The following AGAP3 variants were observed in gnomAD, a reference collection of about 807,000 sequenced individuals.
AGAP3 encodes ArfGAP with GTPase domain, ankyrin repeat and PH domain 3.
In AGAP3, 24 loss-of-function variants were observed where a neutral mutation model predicts 96.9. The ratio of observed to expected loss-of-function variants is 0.25; its 90% CI spans 0.18 to 0.35. AGAP3 has a LOEUF of 0.35. Ranked by LOEUF, AGAP3 falls within the 10% of genes least tolerant of loss-of-function variation. AGAP3 has a pLI of 1.00. For missense variants in AGAP3, 876 were observed against 1,254.2 expected (o/e 0.70, Z 4.55); for synonymous variants, 563 against 536.1 (o/e 1.05, Z -0.69).
intron 1 of AGAP3, among the ~76,000 whole-genome samples, chr7:151,105,902 T>C (rs1319013879): frequency 6.7e-6 from 1 of 148,748 alleles, no homozygotes; most frequent in Non-Finnish European, 1.5e-5. Flanking sequence ...TCATGTTTAA[T>C]TGTGACATTT....
Position 151,143,498 on chromosome 7 carries a change from G to A in AGAP3, c.2431G>A (p.Glu811Lys). The A allele has an allele frequency of 6.2e-7, 1 of 1,614,256 alleles. No homozygotes were observed. The highest frequency in any genetic ancestry group is 2.2e-5 in the East Asian group (1 of 44,886). ...LVMLLAHGSK[E>K]EVNETYGDGD... Reference sequence around the variant, plus strand: ...GATGCTCCTGGCACATGGCTCCAAAGAGGAGGTGAATGAGACCTATGGGGA... The same window carrying A: ...GATGCTCCTGGCACATGGCTCCAAAAAGGAGGTGAATGAGACCTATGGGGA... The change falls in exon 17 of 18, where the codon GAG becomes AAG. Residue 811 changes from glutamate (E) to lysine (K), a missense_variant. Physicochemically the swap from Glu to Lys is moderately conservative, Grantham distance 56. This residue lies in a region of AGAP3 where 213 missense variants were observed against 253.8 expected (regional missense o/e 0.84). Transcript: ENST00000397238. This position sits in a 1 kb window ranked among gnomAD's most constrained non-coding sequence, Gnocchi z 5.9.
chr7:151,120,736 T>C, intron 8 of AGAP3: 8 of 1,209,144 alleles, frequency 6.6e-6, no homozygotes, highest in Non-Finnish European at 8.4e-6. Context: ...GCCTCGTTCC[T>C]CCCTCTCAGG....
At chr7:151,097,517 C>CAAAAAA (rs67915216) in intron 1 of AGAP3, among the ~76,000 whole-genome samples, 2 of 95,642 alleles carry the variant, frequency 2.1e-5, no homozygotes, top group Non-Finnish European at 4.6e-5. Flanking sequence ...GACTCTGTCT[C>CAAAAAA]AAAAAAAAAA....
chr7:151,132,082 C>T (rs1800424909), intron 10 of AGAP3, among the ~76,000 whole-genome samples: 2 of 152,214 alleles, frequency 1.3e-5, no homozygotes, highest in Admixed American at 1.3e-4. Flanking sequence ...TGAGTGGACA[C>T]TGGGCTGAAA....
In AGAP3 at chr7:151,143,240, G is replaced by A. The variant is rs1191903897; in HGVS notation, c.2274-101G>A. The A allele has an allele frequency of 2.1e-6, 3 of 1,400,566 alleles. No individual in the cohort carries two copies. Among genetic ancestry groups the A allele is most frequent in the Non-Finnish European group, 9.6e-7 (1 of 1,038,322 alleles). 86.8% of individuals were successfully genotyped at this position (1,400,566 alleles called of 1,614,324 possible). A position where few individuals can be genotyped will look rare whatever the true frequency, so the allele number is the denominator to read the frequency against. On this transcript the variant is annotated intron_variant, in intron 16 of 17. Coordinates refer to ENST00000397238, the MANE Select transcript of AGAP3 (RefSeq NM_031946.7). The surrounding 1 kb of genome is among the most constrained non-coding windows in gnomAD (Gnocchi z 5.9). ...CATCTTCTCTCACTGTTTCTTCCTT[G>A]TTCCCCCGGGTGCTCGCTTCCTTTC...
At chr7:151,119,906 G>A (rs1248956222) in intron 7 of AGAP3, 81 bp from the exon 8 acceptor site, 10 of 1,441,952 alleles carry the variant, frequency 6.9e-6, no homozygotes, top group Middle Eastern at 1.8e-4. Context: ...GCCCCCATTA[G>A]CACAGGGATT....
rs778433362 is a variant in AGAP3, at chr7:151,138,241, T to C, written c.1594T>C (p.Ser532Pro). 7 of 1,612,636 alleles carry C rather than the reference T, an allele frequency of 4.3e-6. No individual in the cohort carries two copies. The African/African-American group carries it at 9.3e-5, about 22-fold the overall frequency. ...GPRPEGLHQRSCSVSSADQWS... is the reference protein window; with the variant it reads ...GPRPEGLHQRPCSVSSADQWS... The stretch of plus-strand genomic sequence containing the variant: ...GCGCCCTGAGGGGCTGCACCAGCGC[T>C]CCTGCTCCGTTTCCAGCGCCGACCA... Residue 532 changes from serine (S) to proline (P), a missense_variant, in exon 12 of 18, where the codon TCC becomes CCC. By Grantham distance (74) the Ser-to-Pro change is moderately conservative. This residue lies in a region of AGAP3 where 155 missense variants were observed against 144.4 expected (regional missense o/e 1.07). Coordinates refer to ENST00000397238, the MANE Select transcript of AGAP3 (RefSeq NM_031946.7).
chr7:151,115,046 G>C (rs1471185524), intron 1 of AGAP3: 7 of 1,002,878 alleles, frequency 7.0e-6, no homozygotes, highest in Non-Finnish European at 8.3e-6. Flanking sequence ...TGGCGCCCTC[G>C]GGACCGCCCG....
chr7:151,110,940 G>A (rs1362573669), intron 1 of AGAP3, among the ~76,000 whole-genome samples: 2 of 152,194 alleles, frequency 1.3e-5, no homozygotes, highest in East Asian at 3.8e-4. Context: ...CATGGCTGCT[G>A]CTGCAGCAAC....
rs767702767 is a variant in AGAP3, at chr7:151,142,494, G to A, written c.2133G>A (p.Leu711=). 6.2e-7 allele frequency: 1 copy of A among 1,613,962 alleles called. No homozygotes were observed. Among genetic ancestry groups the A allele is most frequent in the South Asian group, 1.1e-5 (1 of 91,082 alleles). The change falls in exon 16 of 18, where the codon CTG becomes CTA. Residue 711 remains leucine (L), a synonymous_variant. Coordinates refer to ENST00000397238, the MANE Select transcript of AGAP3 (RefSeq NM_031946.7). This position sits in a 1 kb window ranked among gnomAD's most constrained non-coding sequence, Gnocchi z 7.5. The stretch of plus-strand genomic sequence containing the variant: ...TCCACCGACACCTGGGGGCTCACCT[G>A]TCCCGGGTGCGCTCCCTTGACCTCG... ...SGIHRHLGAH[L]SRVRSLDLDD...
chr7:151,128,721 G>A, intron 10 of AGAP3, 37 bp downstream of exon 10: 1 of 1,565,002 alleles, frequency 6.4e-7, no homozygotes, highest in Non-Finnish European at 8.8e-7. Flanking sequence ...GGGGAGTATG[G>A]GGAGGGGGTG....
chr7:151,114,807 G>A lies in AGAP3; in HGVS notation c.332-1986G>A. 2.8e-6 allele frequency: 3 copies of A among 1,055,886 alleles called. No homozygotes were observed. The highest frequency in any genetic ancestry group is 2.3e-6 in the Non-Finnish European group (2 of 876,788). 65.4% of individuals were successfully genotyped at this position (1,055,886 alleles called of 1,614,324 possible). A position where few individuals can be genotyped will look rare whatever the true frequency, so the allele number is the denominator to read the frequency against. ...CTGGCCGCAGGGGGACAGCTGTCCC[G>A]GGGAGCGGCCCGCCGCTTGCCGCCG... On this transcript the variant is annotated intron_variant, in intron 1 of 17. Coordinates refer to ENST00000397238, the MANE Select transcript of AGAP3 (RefSeq NM_031946.7). This position sits in a 1 kb window ranked among gnomAD's most constrained non-coding sequence, Gnocchi z 4.4.
At chr7:151,112,791 G>A (rs1421126054) in intron 1 of AGAP3, among the ~76,000 whole-genome samples, 2 of 152,002 alleles carry the variant, frequency 1.3e-5, no homozygotes, top group Non-Finnish European at 2.9e-5. Flanking sequence ...TTGTAGAGAC[G>A]GGGTTTCACC....
In AGAP3 at chr7:151,118,477, G is replaced by T; in HGVS notation, c.842-28G>T. ...CAGGCTTTTCCCTTCTCTCCAGTGG[G>T]TATAATTGACTCTGCTGTCCCCTGC... On this transcript the variant is annotated intron_variant, in intron 6 of 17. Coordinates refer to ENST00000397238, the MANE Select transcript of AGAP3 (RefSeq NM_031946.7). This position sits in a 1 kb window ranked among gnomAD's most constrained non-coding sequence, Gnocchi z 6.1. The T allele has an allele frequency of 6.2e-7, 1 of 1,613,490 alleles. No homozygotes were observed. Among genetic ancestry groups the T allele is most frequent in the Non-Finnish European group, 8.5e-7 (1 of 1,179,522 alleles).
chr7:151,123,264 G>C, intron 8 of AGAP3: 15 of 1,051,918 alleles, frequency 1.4e-5, no homozygotes, highest in South Asian at 3.1e-5. Context: ...ATCCGCATTC[G>C]GGTGGACTCT....
At position 151,142,437 on chromosome 7, in the gene AGAP3, G is replaced by C. The variant is rs200102383; in HGVS notation, c.2076G>C (p.Leu692=). 5.4e-5 allele frequency: 87 copies of C among 1,613,910 alleles called. 1 individual carries two copies. The East Asian group carries it at 1.3e-3, about 24-fold the overall frequency. The stretch of plus-strand genomic sequence containing the variant: ...ATCCAGACTGGGCCAGCCTGAACCT[G>C]GGTGCCCTGATGTGCATTGAGTGCT... ...APNPDWASLN[L]GALMCIECSG... Residue 692 remains leucine (L), a synonymous_variant, in exon 16 of 18, where the codon CTG becomes CTC. Coordinates refer to ENST00000397238, the MANE Select transcript of AGAP3 (RefSeq NM_031946.7). The surrounding 1 kb of genome is among the most constrained non-coding windows in gnomAD (Gnocchi z 7.5).
intron 11 of AGAP3, among the ~76,000 whole-genome samples, chr7:151,135,289 T>A (rs955967468): frequency 5.3e-5 from 8 of 152,210 alleles, no homozygotes; most frequent in African/African-American, 1.7e-4. Flanking sequence ...CCTAGACCAT[T>A]GGATCTCATG....
chr7:151,114,622 C>T lies in AGAP3; in HGVS notation c.332-2171C>T, dbSNP rs1246796604. 18 of 771,414 alleles carry T rather than the reference C, an allele frequency of 2.3e-5. No homozygotes were observed. The highest frequency in any genetic ancestry group is 2.8e-5 in the Non-Finnish European group (18 of 632,744). 47.8% of individuals were successfully genotyped at this position (771,414 alleles called of 1,614,324 possible). A position where few individuals can be genotyped will look rare whatever the true frequency, so the allele number is the denominator to read the frequency against. On this transcript the variant is annotated intron_variant, in intron 1 of 17. Coordinates refer to ENST00000397238, the MANE Select transcript of AGAP3 (RefSeq NM_031946.7). The surrounding 1 kb of genome is among the most constrained non-coding windows in gnomAD (Gnocchi z 4.4). ...CCGGCCTCTCCAGGTCTGGGCTTGC[C>T]GGCCGCGAGGTGGAGGAGTTGAGGG... is the stretch of plus-strand genomic sequence containing the variant.
At chr7:151,121,723 A>C (rs1193479870) in intron 8 of AGAP3, among the ~76,000 whole-genome samples, 1 of 151,872 alleles carries the variant, frequency 6.6e-6, no homozygotes, top group Non-Finnish European at 1.5e-5. Context: ...CCATCCTCAC[A>C]GCGGCGACCT....
Sources: gnomAD v4.1 joint callset for allele counts (sites outside exome capture counted in the v4.1 genomes callset) on GRCh38, gnomAD v4.1.1 for gene constraint, gnomAD v4.1.1 regional missense constraint, Gnocchi (gnomAD v3.1) non-coding constraint, MANE v1.5 for transcripts, NCBI Gene and HGNC (gene_info 2026-07-23, HGNC 2026-07-21) for gene names.